Variants in LAMB1 observed in about 807,000 individuals in gnomAD.
The protein encoded by LAMB1 is laminin subunit beta-1.
A neutral mutation model predicts 222.3 loss-of-function variants in LAMB1; 121 were observed. The ratio of observed to expected loss-of-function variants is 0.54; its 90% confidence interval spans 0.47 to 0.63. The LOEUF is 0.63. LAMB1 is among the 30% of genes least tolerant of loss of function. The pLI, the probability that LAMB1 is intolerant of heterozygous loss-of-function variation, is 0.00. For missense variants in LAMB1, 2,172 were observed against 2,240.8 expected, an observed-to-expected ratio of 0.97 and a Z score of 0.62; for synonymous variants, 794 against 807.2, an observed-to-expected ratio of 0.98 and a Z score of 0.28.
chr7:107,964,758 C>T (rs779847783), intron 13 of LAMB1, 71 bp from the exon 14 acceptor site: 18 of 1,547,762 alleles, frequency 1.2e-5, no homozygotes, highest in Non-Finnish European at 1.6e-5. Context: ...AGCAGCTCTA[C>T]AGCTGCCATT....
chr7:107,973,010 C>T lies in LAMB1; in HGVS notation c.1544G>A (p.Gly515Glu), dbSNP rs1222525723. The T allele has an allele frequency of 6.8e-6, 11 of 1,613,910 alleles. No individual in the cohort carries two copies. Among genetic ancestry groups the T allele is most frequent in the Non-Finnish European group, 2.5e-6 (3 of 1,179,802 alleles). The change falls in exon 13 of 34, where the codon GGG (glycine) becomes GAG (glutamate). Residue 515 changes from glycine (G) to glutamate (E), a missense_variant. Transcript: ENST00000222399. The stretch of plus-strand genomic sequence containing the variant: ...CATTTACCTGTTGTTTAAGGCTCCC[C>T]CAAGGTCACAGTCACATGGTCGACA... ...DGCRPCDCDL[G>E]GALNNSCFAE...
intron 7 of LAMB1, among the ~76,000 whole-genome samples, chr7:107,985,700 G>T (rs1287045829): frequency 6.6e-6 from 1 of 152,016 alleles, no homozygotes; most frequent in Non-Finnish European, 1.5e-5. Context: ...GCTCATGCCT[G>T]TAATCCCAGC....
chr7:107,945,174 T>C (rs2033089945), intron 24 of LAMB1, among the ~76,000 whole-genome samples: 1 of 152,244 alleles, frequency 6.6e-6, no homozygotes, highest in South Asian at 2.1e-4. Flanking sequence ...GCCAGTAGGC[T>C]TCCTCTATTT....
chr7:107,926,761 T>C (rs7791558), intron 31 of LAMB1, among the ~76,000 whole-genome samples: 10,765 of 152,226 alleles, frequency 0.071, 1,289 homozygotes, highest in African/African-American at 0.25. Context: ...TCCAACTTAA[T>C]GTGAGTGGGA....
Position 107,929,427 on chromosome 7 carries a change from T to G in LAMB1, c.4730A>C (p.Glu1577Ala), listed in dbSNP as rs530581396. ...CTTTAGATACCTTGCTCTTTTAGCT[T>G]CTTCTAACAACATCTCAGCTCTGGC... is the stretch of plus-strand genomic sequence containing the variant. ...DIARAEMLLE[E>A]AKRASKSATD... is the part of the protein sequence containing the mutation. The change falls in exon 30 of 34, where the codon GAA (glutamate) becomes GCA (alanine). Residue 1577 changes from glutamate (E) to alanine (A), a missense_variant. By Grantham distance (107) the Glu-to-Ala change is moderately radical (BLOSUM62 -1). Transcript: ENST00000222399. 326 of 1,614,010 alleles carry G rather than the reference T, an allele frequency of 2.0e-4. 6 individuals carry two copies. The South Asian group carries it at 3.3e-3, about 16-fold the overall frequency.
At chr7:107,967,514 T>C (rs2033659342) in intron 13 of LAMB1, among the ~76,000 whole-genome samples, 1 of 152,336 alleles carries the variant, frequency 6.6e-6, no homozygotes, top group Non-Finnish European at 1.5e-5. Flanking sequence ...CCTGGCTTTC[T>C]GCAGCCTCCA....
At position 108,002,116 on chromosome 7, in the gene LAMB1, G is replaced by A. The variant is rs1161538772; in HGVS notation, c.38-383C>T. On this transcript the variant is annotated intron_variant, in intron 2 of 33. Coordinates refer to ENST00000222399, the MANE Select transcript of LAMB1 (RefSeq NM_002291.3). ...CGGCGCAGGGAGGCTGACCCCCAAA[G>A]GGCCACACACCCACGCACGTGAACC... 1.5e-5 allele frequency: 23 copies of A among 1,485,978 alleles called. No homozygotes were observed. The Admixed American group carries it at 4.2e-4, about 27-fold the overall frequency. 92.0% of individuals were successfully genotyped at this position (1,485,978 alleles called of 1,614,324 possible). A position where few individuals can be genotyped will look rare whatever the true frequency, so the allele number is the denominator to read the frequency against.
chr7:108,002,940 G>A lies in LAMB1; in HGVS notation c.-55C>T. 1.9e-6 allele frequency: 3 copies of A among 1,610,818 alleles called. No homozygotes were observed. The highest frequency in any genetic ancestry group is 3.4e-5 in the Admixed American group (2 of 59,580). ...CAGAGGAGTGGAGAAGACGCCCGCC[G>A]AGCCGCCTGCCCTTTCTTCCCGTCT... On this transcript the variant is annotated 5_prime_UTR_variant, in exon 2 of 34. Coordinates refer to ENST00000222399, the MANE Select transcript of LAMB1 (RefSeq NM_002291.3).
intron 32 of LAMB1, among the ~76,000 whole-genome samples, chr7:107,924,991 A>C (rs1490411693): frequency 1.3e-5 from 2 of 152,284 alleles, no homozygotes; most frequent in East Asian, 3.9e-4. Context: ...CTTGTGATAA[A>C]ATGTCATTAT....
intron 20 of LAMB1, among the ~76,000 whole-genome samples, chr7:107,957,836 A>G (rs2033410453): frequency 1.3e-5 from 2 of 152,236 alleles, no homozygotes; most frequent in South Asian, 4.1e-4. Context: ...ACTAGATAGT[A>G]GAATTCCAAA....
chr7:107,953,259 AG>A (rs1185381736), intron 22 of LAMB1, among the ~76,000 whole-genome samples: 2 of 151,936 alleles, frequency 1.3e-5, no homozygotes, highest in Non-Finnish European at 2.9e-5. Flanking sequence ...CGGGAGGCTG[AG>A]GCATGAGAAT....
At chr7:107,943,133 C>T (rs1235300314) in intron 24 of LAMB1, among the ~76,000 whole-genome samples, 1 of 152,134 alleles carries the variant, frequency 6.6e-6, no homozygotes, top group Non-Finnish European at 1.5e-5. Context: ...ATCCGTAGAC[C>T]ATACGTTCTA....
chr7:107,965,935 G>A (rs1362689232), intron 13 of LAMB1, among the ~76,000 whole-genome samples: 4 of 151,556 alleles, frequency 2.6e-5, no homozygotes, highest in Admixed American at 2.6e-4. Context: ...CGTCTCTACT[G>A]AAAATACAAA....
At position 107,940,269 on chromosome 7, in the gene LAMB1, G is replaced by A. The variant is rs146018013; in HGVS notation, c.3481C>T (p.Arg1161Cys). ...CVCVEGVEGP[R>C]CDKCTRGYSG... is the part of the protein sequence containing the mutation. Reference sequence around the variant, plus strand: ...TACCCTCGCGTGCACTTGTCACAGCGTGGACCCTCAACACCCTCAACGCAG... The same window carrying A: ...TACCCTCGCGTGCACTTGTCACAGCATGGACCCTCAACACCCTCAACGCAG... Residue 1161 changes from arginine to cysteine, a missense_variant, in exon 25 of 34, where the codon CGC (arginine) becomes TGC (cysteine). Arg to Cys is a radical substitution (Grantham distance 180, BLOSUM62 -3). Transcript: ENST00000222399. The A allele has an allele frequency of 2.4e-4, 384 of 1,614,200 alleles. 5 individuals carry two copies. The Middle Eastern group carries it at 2.5e-3, about 10-fold the overall frequency.
intron 5 of LAMB1, among the ~76,000 whole-genome samples, 163 bp downstream of exon 5, chr7:107,994,724 A>G (rs530372355): frequency 6.6e-6 from 1 of 152,366 alleles, no homozygotes; most frequent in East Asian, 1.9e-4. Context: ...TGTTAAATGC[A>G]GTTATTCATG....
intron 24 of LAMB1, among the ~76,000 whole-genome samples, chr7:107,943,072 C>T (rs560787695): frequency 1.6e-4 from 24 of 152,204 alleles, no homozygotes; most frequent in African/African-American, 2.6e-4. Flanking sequence ...GGAATATTCT[C>T]GTAATGAATC....
chr7:107,972,805 T>G (rs1012546294), intron 13 of LAMB1, among the ~76,000 whole-genome samples, 187 bp downstream of exon 13: 6 of 152,220 alleles, frequency 3.9e-5, no homozygotes, highest in African/African-American at 1.4e-4. Context: ...TAAAAATACA[T>G]ATGTACTTTG....
chr7:107,981,420 C>T (rs1397496356), intron 7 of LAMB1, among the ~76,000 whole-genome samples: 1 of 150,296 alleles, frequency 6.7e-6, no homozygotes, highest in Non-Finnish European at 1.5e-5. Flanking sequence ...TGCACTCCAG[C>T]CTGAACGACA....
chr7:107,999,063 G>C (rs1305381476), intron 3 of LAMB1, among the ~76,000 whole-genome samples: 1 of 152,224 alleles, frequency 6.6e-6, no homozygotes, highest in African/African-American at 2.4e-5. Context: ...AAATTGCTCA[G>C]AATATCTGGG....
Sources: gnomAD v4.1 joint callset for allele counts (sites outside exome capture counted in the v4.1 genomes callset) on GRCh38, gnomAD v4.1.1 for gene constraint, MANE v1.5 for transcripts, NCBI Gene and HGNC (gene_info 2026-07-23, HGNC 2026-07-21) for gene names.